SPAG16: variants seen among roughly 807,000 people sequenced by gnomAD.
SPAG16 encodes sperm associated antigen 16, also known as sperm-associated antigen 16 protein.
A neutral mutation model predicts 80.4 loss-of-function variants in SPAG16; 86 were observed. The observed-to-expected ratio is 1.07, with a 90% CI of 0.90 to 1.28. SPAG16 has a LOEUF of 1.28. Ranked by LOEUF, SPAG16 falls within the 50% of genes most tolerant of loss-of-function variation. The pLI is 0.00. For synonymous variants in SPAG16, 294 were observed against 265.9 expected, an observed-to-expected ratio of 1.11 and a Z score of -1.03; for missense variants, 870 against 765.3, an observed-to-expected ratio of 1.14 and a Z score of -1.61.
At chr2:213,976,205 CAT>C (rs1404102441) in intron 12 of SPAG16, among the ~76,000 whole-genome samples, 3 of 149,154 alleles carry the variant, frequency 2.0e-5, no homozygotes, top group Admixed American at 6.7e-5. Flanking sequence ...TATATATACA[CAT>C]ACATATGTAC....
At chr2:213,506,610 A>G (rs2125795309) in intron 10 of SPAG16, among the ~76,000 whole-genome samples, 1 of 152,278 alleles carries the variant, frequency 6.6e-6, no homozygotes, top group South Asian at 2.1e-4. Flanking sequence ...GGTTTATTAA[A>G]TGATTTCCTG....
chr2:213,689,505 TAGAAC>T (rs1202000427), intron 10 of SPAG16, among the ~76,000 whole-genome samples: 2 of 150,602 alleles, frequency 1.3e-5, no homozygotes, highest in Admixed American at 6.6e-5. Flanking sequence ...ATTTTAAACT[TAGAAC>T]AGAATTTAGT....
intron 1 of SPAG16, 81 bp from the exon 2 acceptor site, chr2:213,295,983 C>G (rs2062479344): frequency 8.5e-7 from 1 of 1,179,186 alleles, no homozygotes; most frequent in Non-Finnish European, 1.3e-6. Flanking sequence ...GAATCCAATA[C>G]TATATTTGAA....
intron 13 of SPAG16, among the ~76,000 whole-genome samples, chr2:214,056,513 A>T (rs1471279733): frequency 8.1e-6 from 1 of 123,158 alleles, no homozygotes; most frequent in African/African-American, 3.2e-5. Flanking sequence ...TCCTTAATTT[A>T]AAAATACTTA....
Position 213,929,962 on chromosome 2 carries a change from G to A in SPAG16, c.1217G>A (p.Gly406Asp), listed in dbSNP as rs563214513. ...TCTTTTTATGTTTTTGCAAATAGTG[G>A]CGACAAATTGGCTACTTCAAGTGGT... Reference protein sequence around the residue: ...WLSDCCFHPSGDKLATSSGDT... With the variant: ...WLSDCCFHPSDDKLATSSGDT... Residue 406 changes from glycine (G) to aspartate (D), a missense_variant and splice_region_variant, in exon 12 of 16, where the codon GGC (glycine) becomes GAC (aspartate). Coordinates refer to ENST00000331683, the MANE Select transcript of SPAG16 (RefSeq NM_024532.5). 1.9e-6 allele frequency: 3 copies of A among 1,598,654 alleles called. No individual in the cohort carries two copies. Among genetic ancestry groups the A allele is most frequent in the Non-Finnish European group, 2.6e-6 (3 of 1,173,788 alleles).
chr2:213,529,259 A>C (rs1350023378), intron 10 of SPAG16, among the ~76,000 whole-genome samples: 1 of 152,152 alleles, frequency 6.6e-6, no homozygotes, highest in Non-Finnish European at 1.5e-5. Flanking sequence ...TCTTTATTTT[A>C]AAACCACCTC....
intron 15 of SPAG16, among the ~76,000 whole-genome samples, chr2:214,182,094 C>T (rs545470366): frequency 4.9e-4 from 75 of 151,870 alleles, no homozygotes; most frequent in South Asian, 8.3e-4. Context: ...AATGAACTGA[C>T]AGTTTATCTC....
intron 10 of SPAG16, among the ~76,000 whole-genome samples, chr2:213,742,547 C>CTTTTTTTGTTTTTTTTTT (rs1559428496): frequency 2.0e-4 from 5 of 24,790 alleles, no homozygotes; most frequent in Admixed American, 1.4e-3. Context: ...TTGCTTATTT[C>CTTTTTTTGTTTTTTTTTT]TTTTTTTTTT....
At chr2:213,457,270 T>G (rs2072077519) in intron 9 of SPAG16, among the ~76,000 whole-genome samples, 1 of 152,196 alleles carries the variant, frequency 6.6e-6, no homozygotes, top group Admixed American at 6.5e-5. Context: ...CATTTTTTTC[T>G]CAGGTTGCTC....
chr2:214,175,211 A>C (rs186772681), intron 15 of SPAG16, among the ~76,000 whole-genome samples: 1 of 126,074 alleles, frequency 7.9e-6, no homozygotes, highest in Non-Finnish European at 1.8e-5. Flanking sequence ...ATATATATAT[A>C]AAGAAATGTG....
intron 11 of SPAG16, among the ~76,000 whole-genome samples, chr2:213,929,266 G>T (rs867700461): frequency 6.6e-6 from 1 of 151,692 alleles, no homozygotes; most frequent in African/African-American, 2.4e-5. Context: ...CGCCTGCCTC[G>T]GCCACCCAAA....
intron 9 of SPAG16, among the ~76,000 whole-genome samples, chr2:213,436,994 C>T (rs1251846506): frequency 1.3e-5 from 2 of 151,956 alleles, no homozygotes; most frequent in South Asian, 2.1e-4. Flanking sequence ...TCACTGCAAG[C>T]TCCGCCTCCT....
chr2:214,338,249 C>T (rs1336068240), intron 15 of SPAG16, among the ~76,000 whole-genome samples: 1 of 152,170 alleles, frequency 6.6e-6, no homozygotes, highest in Admixed American at 6.5e-5. Context: ...AGTGTGGTGG[C>T]TCACGCCTGT....
intron 15 of SPAG16, among the ~76,000 whole-genome samples, chr2:214,268,817 C>T (rs2125887860): frequency 6.6e-6 from 1 of 151,708 alleles, no homozygotes; most frequent in South Asian, 2.1e-4. Flanking sequence ...ATACCATTAG[C>T]TTCTAGATTT....
chr2:214,253,907 T>G (rs1410780626), intron 15 of SPAG16, among the ~76,000 whole-genome samples: 1 of 152,176 alleles, frequency 6.6e-6, no homozygotes, highest in Admixed American at 6.6e-5. Flanking sequence ...ATGGCCATTT[T>G]CATGATATTG....
At chr2:214,121,579 C>T (rs2054222517) in intron 14 of SPAG16, among the ~76,000 whole-genome samples, 1 of 151,780 alleles carries the variant, frequency 6.6e-6, no homozygotes, top group Admixed American at 6.6e-5. Context: ...ATAATACATA[C>T]AATGTGTTTT....
At chr2:214,173,237 C>A (rs1322236254) in intron 15 of SPAG16, among the ~76,000 whole-genome samples, 1 of 152,064 alleles carries the variant, frequency 6.6e-6, no homozygotes, top group East Asian at 1.9e-4. Flanking sequence ...TTAGGTCTAA[C>A]ATTTAAGTCT....
At chr2:213,695,102 CA>C (rs2065101953) in intron 10 of SPAG16, among the ~76,000 whole-genome samples, 1 of 152,150 alleles carries the variant, frequency 6.6e-6, no homozygotes, top group Admixed American at 6.6e-5. Flanking sequence ...TTAGGTTCAT[CA>C]AATTTGATTA....
At chr2:214,308,879 T>C (rs1695102740) in intron 15 of SPAG16, among the ~76,000 whole-genome samples, 1 of 152,260 alleles carries the variant, frequency 6.6e-6, no homozygotes, top group Admixed American at 6.5e-5. Flanking sequence ...GATGATCTTC[T>C]TGTGGAGTGT....
Sources: gnomAD v4.1 joint callset for allele counts (sites outside exome capture counted in the v4.1 genomes callset) on GRCh38, gnomAD v4.1.1 for gene constraint, MANE v1.5 for transcripts, NCBI Gene and HGNC (gene_info 2026-07-23, HGNC 2026-07-21) for gene names.